NOX4: variants seen among roughly 807,000 people sequenced by gnomAD.
NOX4 encodes kidney oxidase-1.
A neutral mutation model predicts 87.6 loss-of-function variants in NOX4; 69 were observed. The observed-to-expected ratio is 0.79, with a 90% confidence interval of 0.65 to 0.96. The LOEUF (loss-of-function observed/expected upper bound fraction) is 0.96, where lower values mean the gene tolerates loss of function less well. Ranked by LOEUF, NOX4 falls within the 40% of genes least tolerant of loss-of-function variation. The probability of loss-of-function intolerance (pLI) is 0.00; values close to 1 mark genes in which losing one functional copy is unlikely to be tolerated. For missense variants in NOX4, 680 were observed against 681.5 expected (o/e 1.00, Z 0.02); for synonymous variants, 275 against 238.2 (o/e 1.15, Z -1.42).
At chr11:89,576,310 C>A in the NOX4 span, among the ~76,000 whole-genome samples, 1 of 152,184 alleles carries the variant, frequency 6.6e-6, no homozygotes, top group Non-Finnish European at 1.5e-5. Flanking sequence ...GTCACTAGAT[C>A]CAGTGTCCCT....
intron 4 of NOX4, among the ~76,000 whole-genome samples, chr11:89,444,452 T>G (rs1944594407): frequency 7.2e-6 from 1 of 139,790 alleles, no homozygotes; most frequent in Non-Finnish European, 1.5e-5. Flanking sequence ...CCCTAGTAAG[T>G]CAGGGATAAG....
chr11:89,345,528 C>G lies in NOX4; in HGVS notation c.1218-3335G>C, dbSNP rs559449596. On this transcript the variant is annotated intron_variant, in intron 13 of 17. Transcript: ENST00000263317. ...GAGCTTAAACAACCAATACTGTACT[C>G]TACAGTGTACAGCAGCATTCAATAC... is the stretch of plus-strand genomic sequence containing the variant. 6.3e-3 allele frequency among the ~76,000 whole-genome samples: 966 copies of G among 152,270 alleles called. 2 individuals are homozygous for G. Among genetic ancestry groups the G allele is most frequent in the Non-Finnish European group, 0.011 (719 of 68,012 alleles).
At chr11:89,551,495 T>C in the NOX4 span, among the ~76,000 whole-genome samples, 18 of 152,338 alleles carry the variant, frequency 1.2e-4, no homozygotes, top group African/African-American at 4.3e-4. Context: ...TGGTTTGTAG[T>C]TCTCCTTGAA....
At chr11:89,391,585 A>G (rs188916267) in intron 11 of NOX4, among the ~76,000 whole-genome samples, 276 of 151,934 alleles carry the variant, frequency 1.8e-3, no homozygotes, top group Non-Finnish European at 3.3e-3. Context: ...GCGAGGCCCT[A>G]TCTCTACACA....
intron 9 of NOX4, 63 bp downstream of exon 9, chr11:89,402,263 T>G (rs1409403681): frequency 2.7e-5 from 32 of 1,185,856 alleles, no homozygotes; most frequent in Non-Finnish European, 1.3e-6. Context: ...CACATTTATA[T>G]GTGATGTTGA....
At chr11:89,447,542 T>C (rs936129693) in intron 4 of NOX4, among the ~76,000 whole-genome samples, 2 of 152,016 alleles carry the variant, frequency 1.3e-5, no homozygotes, top group Non-Finnish European at 1.5e-5. Context: ...GTAGATAGAG[T>C]CATCCCTATT....
intron 12 of NOX4, among the ~76,000 whole-genome samples, chr11:89,361,406 A>G (rs1285994035): frequency 6.6e-6 from 1 of 152,096 alleles, no homozygotes; most frequent in African/African-American, 2.4e-5. Context: ...CTAACCTTTG[A>G]GGACTCAAAG....
intron 7 of NOX4, among the ~76,000 whole-genome samples, chr11:89,425,061 C>G (rs1943301823): frequency 1.3e-5 from 2 of 152,040 alleles, no homozygotes; most frequent in African/African-American, 4.8e-5. Flanking sequence ...AGGATTGAAG[C>G]TGATCTTTTT....
intron 11 of NOX4, among the ~76,000 whole-genome samples, chr11:89,395,770 C>G (rs898309876): frequency 1.3e-5 from 2 of 152,150 alleles, no homozygotes; most frequent in African/African-American, 4.8e-5. Context: ...AATCCTTTCC[C>G]CATTGCTTGT....
intron 7 of NOX4, among the ~76,000 whole-genome samples, chr11:89,424,435 G>C (rs774347030): frequency 8.7e-5 from 13 of 149,742 alleles, no homozygotes; most frequent in Non-Finnish European, 8.9e-5. Flanking sequence ...TTTTATTGTT[G>C]CACTTTTTCT....
Position 89,354,979 on chromosome 11 carries a change from T to C in NOX4, c.1200A>G (p.Gln400=), listed in dbSNP as rs547970469. 2.9e-5 allele frequency: 46 copies of C among 1,594,864 alleles called. No homozygotes were observed. The highest frequency in any genetic ancestry group is 2.1e-4 in the South Asian group (19 of 89,874). Residue 400 remains glutamine, a synonymous_variant, in exon 13 of 18, where the codon CAA becomes CAG. Coordinates refer to ENST00000263317, the MANE Select transcript of NOX4 (RefSeq NM_016931.5). ...SQDSEILPFI[Q]SRNYPKLYID... ...TTGCTTACTTGGGATAATTTCTAGA[T>C]TGAATGAAGGGCAGAATTTCGGAGT...
chr11:89,407,270 T>C (rs1394543512), intron 8 of NOX4, among the ~76,000 whole-genome samples: 2 of 151,946 alleles, frequency 1.3e-5, no homozygotes, highest in African/African-American at 2.4e-5. Flanking sequence ...TAAATAATTT[T>C]AAAGCAAAAA....
intron 12 of NOX4, among the ~76,000 whole-genome samples, chr11:89,357,330 C>T (rs543575428): frequency 1.3e-5 from 2 of 152,038 alleles, no homozygotes; most frequent in East Asian, 3.9e-4. Context: ...AAAAAATACT[C>T]TGTGTTTTTC....
chr11:89,419,673 A>C (rs1013213352), intron 8 of NOX4, among the ~76,000 whole-genome samples: 1 of 151,778 alleles, frequency 6.6e-6, no homozygotes, highest in African/African-American at 2.4e-5. Flanking sequence ...GATGCCTACT[A>C]TTTCTCTGTA....
At position 89,491,318 on chromosome 11, in the gene NOX4, G is replaced by T. The variant is rs900740595; in HGVS notation, c.-72C>A. 1.1e-4 allele frequency: 152 copies of T among 1,410,618 alleles called. No individual in the cohort carries two copies. The highest frequency in any genetic ancestry group is 1.7e-4 in the Admixed American group (8 of 47,022). The allele number at this position is 1,410,618 out of a possible 1,614,324, so 87.4% of individuals were successfully genotyped here. A position where few individuals can be genotyped will look rare whatever the true frequency, so the allele number is the denominator to read the frequency against. The stretch of plus-strand genomic sequence containing the variant: ...GGAGCGGGCGGCGGCCGGGGCAGCG[G>T]TTACAGTTGTGCGGCCTGCCGGGCC... On this transcript the variant is annotated 5_prime_UTR_variant, in exon 1 of 18. Coordinates refer to ENST00000263317, the MANE Select transcript of NOX4 (RefSeq NM_016931.5).
At chr11:89,371,390 T>G (rs558580743) in intron 12 of NOX4, among the ~76,000 whole-genome samples, 1 of 152,050 alleles carries the variant, frequency 6.6e-6, no homozygotes, top group African/African-American at 2.4e-5. Context: ...AGAATAAAAT[T>G]AACACTATTA....
At chr11:89,370,169 A>G (rs1443678672) in intron 12 of NOX4, among the ~76,000 whole-genome samples, 1 of 151,976 alleles carries the variant, frequency 6.6e-6, no homozygotes, top group Non-Finnish European at 1.5e-5. Flanking sequence ...CTGTCTTCTC[A>G]TTTTTAATCC....
At chr11:89,337,313 A>T in intron 16 of NOX4, 134 bp downstream of exon 16, 1 of 1,347,908 alleles carries the variant, frequency 7.4e-7, no homozygotes, top group East Asian at 2.5e-5. Context: ...ACTTTCCTGG[A>T]CATATTCCAA....
intron 2 of NOX4, among the ~76,000 whole-genome samples, chr11:89,485,755 TG>T (rs2135483120): frequency 6.6e-6 from 1 of 152,278 alleles, no homozygotes; most frequent in Non-Finnish European, 1.5e-5. Context: ...AAGGTTGCCA[TG>T]GGGGAGTGGA....
Sources: allele counts gnomAD v4.1 joint callset (sites outside exome capture counted in the v4.1 genomes callset), GRCh38; gene constraint gnomAD v4.1.1; transcripts MANE v1.5; gene names NCBI Gene and HGNC (gene_info 2026-07-23, HGNC 2026-07-21).